The following HMBOX1 variants were observed in gnomAD, a reference collection of about 807,000 sequenced individuals.
The protein encoded by HMBOX1 is homeobox containing 1.
In HMBOX1, 14 loss-of-function variants were observed where a neutral mutation model predicts 54.5. The ratio of observed to expected loss-of-function variants is 0.26; its 90% CI spans 0.17 to 0.40. The LOEUF is 0.40. HMBOX1 is among the 10% of genes least tolerant of loss of function. HMBOX1 has a pLI of 1.00. For synonymous variants in HMBOX1, 160 were observed against 181.0 expected, an observed-to-expected ratio of 0.88 and a Z score of 0.93; for missense variants, 332 against 514.4, an observed-to-expected ratio of 0.65 and a Z score of 3.43.
At chr8:28,945,733 A>G (rs1354100961) in intron 1 of HMBOX1, among the ~76,000 whole-genome samples, 1 of 152,140 alleles carries the variant, frequency 6.6e-6, no homozygotes, top group African/African-American at 2.4e-5. Context: ...ATTTTGGGAT[A>G]TGACACAACA....
chr8:29,051,195 G>C lies in HMBOX1; in HGVS notation c.*40G>C. ...CATGACAAGTTAACTTAGTTTAGAC[G>C]TAGCACCTTAGCAGACTTTCCTCGG... On this transcript the variant is annotated 3_prime_UTR_variant, in exon 10 of 10. Transcript: ENST00000287701. 4.4e-6 allele frequency: 7 copies of C among 1,606,840 alleles called. No individual in the cohort carries two copies. Among genetic ancestry groups the C allele is most frequent in the Non-Finnish European group, 6.0e-6 (7 of 1,176,282 alleles).
chr8:29,018,699 G>T (rs1020166690), intron 5 of HMBOX1, 61 bp from the exon 6 acceptor site: 2 of 1,527,978 alleles, frequency 1.3e-6, no homozygotes, highest in Admixed American at 3.5e-5. Flanking sequence ...ATAGGAAGTA[G>T]ATGTTATATT....
At position 29,051,665 on chromosome 8, in the gene HMBOX1, T is replaced by C; in HGVS notation, c.*510T>C. ...CCCACCTCAGCGTGAGGATAATTGA[T>C]TTCCAGCTGCAATAAGCCGTGCCTC... On this transcript the variant is annotated 3_prime_UTR_variant, in exon 10 of 10. Transcript: ENST00000287701. 1.4e-6 allele frequency: 1 copy of C among 700,466 alleles called. No homozygotes were observed. 43.4% of individuals were successfully genotyped at this position (700,466 alleles called of 1,614,324 possible).
chr8:28,975,190 A>G (rs1828167668), intron 3 of HMBOX1, among the ~76,000 whole-genome samples: 1 of 152,220 alleles, frequency 6.6e-6, no homozygotes, highest in South Asian at 2.1e-4. Flanking sequence ...TAATTGAATA[A>G]GGCACCATCT....
intron 3 of HMBOX1, among the ~76,000 whole-genome samples, chr8:28,979,060 A>G (rs971397521): frequency 1.3e-4 from 20 of 152,338 alleles, no homozygotes; most frequent in African/African-American, 4.8e-4. Context: ...TTGTATAAAA[A>G]TAGGTGGCAG....
intron 3 of HMBOX1, among the ~76,000 whole-genome samples, chr8:28,975,618 G>A (rs1043325957): frequency 4.6e-5 from 7 of 152,172 alleles, no homozygotes; most frequent in African/African-American, 1.7e-4. Flanking sequence ...ACATGGACTT[G>A]AACTGGTTAG....
At chr8:28,917,860 T>G (rs1304331862) in intron 1 of HMBOX1, among the ~76,000 whole-genome samples, 3 of 152,202 alleles carry the variant, frequency 2.0e-5, no homozygotes, top group African/African-American at 7.2e-5. Flanking sequence ...AAACCTTGCA[T>G]GTTGTATTGT....
intron 1 of HMBOX1, among the ~76,000 whole-genome samples, chr8:28,935,205 T>C (rs567928521): frequency 3.3e-4 from 50 of 152,350 alleles, no homozygotes; most frequent in African/African-American, 1.2e-3. Flanking sequence ...TTCCAAATTG[T>C]TGATAGGTTG....
intron 1 of HMBOX1, among the ~76,000 whole-genome samples, chr8:28,919,608 A>T (rs1038019478): frequency 7.9e-5 from 12 of 152,188 alleles, no homozygotes; most frequent in Non-Finnish European, 1.3e-4. Flanking sequence ...GAATCCTCAG[A>T]TGTAAAACTC....
At chr8:28,915,734 T>TGATGCCA (rs1439309422) in intron 1 of HMBOX1, 1 of 151,858 alleles carries the variant, frequency 6.6e-6, no homozygotes, top group African/African-American at 2.4e-5. Flanking sequence ...GTCACCATAT[T>TGATGCCA]GATGCCATAC....
At chr8:28,952,629 G>C (rs1823684748) in intron 1 of HMBOX1, among the ~76,000 whole-genome samples, 3 of 152,120 alleles carry the variant, frequency 2.0e-5, no homozygotes, top group Admixed American at 2.0e-4. Flanking sequence ...ATCTTTATCA[G>C]TCCAGCCAGA....
chr8:29,009,796 G>A, intron 5 of HMBOX1: 2 of 1,269,064 alleles, frequency 1.6e-6, no homozygotes, highest in Non-Finnish European at 1.0e-6. Context: ...GAAGAAGTAG[G>A]CAAGATCTAT....
At chr8:28,905,350 C>T (rs1030970323) in intron 1 of HMBOX1, among the ~76,000 whole-genome samples, 7 of 152,018 alleles carry the variant, frequency 4.6e-5, no homozygotes, top group Admixed American at 6.6e-5. Flanking sequence ...CGCACACACA[C>T]GCACGCACAC....
At chr8:28,894,265 A>C (rs1229915448) in intron 1 of HMBOX1, among the ~76,000 whole-genome samples, 3 of 152,206 alleles carry the variant, frequency 2.0e-5, no homozygotes, top group African/African-American at 7.2e-5. Context: ...ATGTACACCC[A>C]CAATACACTC....
At chr8:29,023,693 C>T (rs1801566637) in intron 6 of HMBOX1, among the ~76,000 whole-genome samples, 3 of 152,110 alleles carry the variant, frequency 2.0e-5, no homozygotes, top group African/African-American at 7.2e-5. Context: ...TGATCCACCG[C>T]TACAGCCCCA....
intron 1 of HMBOX1, among the ~76,000 whole-genome samples, chr8:28,946,268 T>G (rs1344923201): frequency 6.6e-6 from 1 of 151,942 alleles, no homozygotes; most frequent in Non-Finnish European, 1.5e-5. Context: ...GGGATATTCT[T>G]AATACAATTG....
At chr8:29,049,893 A>T (rs1806182508) in intron 9 of HMBOX1, among the ~76,000 whole-genome samples, 1 of 152,200 alleles carries the variant, frequency 6.6e-6, no homozygotes, top group Non-Finnish European at 1.5e-5. Flanking sequence ...ATATAGTCCA[A>T]TGTGTTCTTT....
intron 9 of HMBOX1, chr8:29,049,254 G>A (rs947814150): frequency 2.0e-6 from 3 of 1,523,820 alleles, no homozygotes; most frequent in South Asian, 2.4e-5. Flanking sequence ...GTGAGAGATC[G>A]TTATTCACCC....
intron 6 of HMBOX1, among the ~76,000 whole-genome samples, chr8:29,031,185 T>C (rs1047307158): frequency 5.3e-5 from 8 of 152,216 alleles, no homozygotes; most frequent in Admixed American, 5.2e-4. Flanking sequence ...GAGGATATCT[T>C]CTTCATATCT....
Sources: gnomAD v4.1 joint callset for allele counts (sites outside exome capture counted in the v4.1 genomes callset) on GRCh38, gnomAD v4.1.1 for gene constraint, MANE v1.5 for transcripts, NCBI Gene and HGNC (gene_info 2026-07-23, HGNC 2026-07-21) for gene names.